Variants in ADGRG2 observed in about 807,000 individuals in gnomAD.
ADGRG2 encodes G protein-coupled receptor 64.
A neutral mutation model predicts 74.1 loss-of-function variants in ADGRG2; 26 were observed. The observed-to-expected ratio is 0.35, with a 90% CI of 0.26 to 0.49. The LOEUF (loss-of-function observed/expected upper bound fraction) is 0.49, where lower values mean the gene tolerates loss of function less well. Ranked by LOEUF, ADGRG2 falls within the 20% of genes least tolerant of loss-of-function variation. The pLI is 0.99. For missense variants in ADGRG2, 619 were observed against 763.1 expected, an observed-to-expected ratio of 0.81 and a Z score of 2.22; for synonymous variants, 296 against 295.2, an observed-to-expected ratio of 1.00 and a Z score of -0.03.
chrX:19,037,212 G>C (rs2060959812), intron 6 of ADGRG2, among the ~76,000 whole-genome samples: 2 of 112,057 alleles, frequency 1.8e-5, no homozygotes, highest in African/African-American at 6.5e-5. Flanking sequence ...TTCAAAATGT[G>C]ATCGATATTT....
Position 18,990,851 on chromosome X carries a change from T to C in ADGRG2, c.*13A>G. The stretch of plus-strand genomic sequence containing the variant: ...ACTGTCAAGCATCATGCTTTGATTT[T>C]AGAAGAAAGGAATCACATTTGCTCA... On this transcript the variant is annotated 3_prime_UTR_variant, in exon 29 of 29. Transcript: ENST00000379869. 8.6e-7 allele frequency: 1 copy of C among 1,157,421 alleles called. No homozygotes were observed. The highest frequency in any genetic ancestry group is 1.2e-6 in the Non-Finnish European group (1 of 857,263).
chrX:19,096,165 C>T (rs1041177905), intron 1 of ADGRG2, among the ~76,000 whole-genome samples: 22 of 111,539 alleles, frequency 2.0e-4, no homozygotes, highest in African/African-American at 7.2e-4. Flanking sequence ...AATCCCAACA[C>T]TTTGGGAGGC....
At chrX:19,054,720 A>T (rs1229303467) in intron 3 of ADGRG2, among the ~76,000 whole-genome samples, 6 of 112,339 alleles carry the variant, frequency 5.3e-5, no homozygotes, top group African/African-American at 1.9e-4. Flanking sequence ...CATCTTCGTT[A>T]GACCAACTAC....
chrX:18,999,430 C>T (rs2060083870), intron 25 of ADGRG2, 151 bp from the exon 26 acceptor site: 2 of 463,860 alleles, frequency 4.3e-6, no homozygotes, highest in Admixed American at 9.1e-5. Context: ...TCTCTACAAC[C>T]ATTTATAGCT....
intron 1 of ADGRG2, among the ~76,000 whole-genome samples, chrX:19,114,967 A>G (rs2062484334): frequency 9.0e-6 from 1 of 111,717 alleles, no homozygotes; most frequent in South Asian, 3.7e-4. Flanking sequence ...CTGCTTCAAG[A>G]GGTTGGGAGG....
At chrX:19,054,091 G>A (rs774992724) in intron 3 of ADGRG2, among the ~76,000 whole-genome samples, 6 of 111,802 alleles carry the variant, frequency 5.4e-5, no homozygotes, top group Admixed American at 2.9e-4. Flanking sequence ...TCAAGGATGC[G>A]CTCTCTATTC....
At chrX:19,095,013 C>T (rs866117482) in intron 1 of ADGRG2, among the ~76,000 whole-genome samples, 35 of 112,009 alleles carry the variant, frequency 3.1e-4, no homozygotes, top group African/African-American at 1.0e-3. Context: ...ACAGGTTCAA[C>T]GGTTCCCATT....
At chrX:19,101,528 C>T (rs73636696) in intron 1 of ADGRG2, among the ~76,000 whole-genome samples, 3,032 of 109,393 alleles carry the variant, frequency 0.028, 108 homozygotes, top group African/African-American at 0.096. Context: ...TGGTGAAACT[C>T]TTTCTCTACA....
At chrX:19,054,997 T>C (rs1234501023) in intron 3 of ADGRG2, among the ~76,000 whole-genome samples, 1 of 111,846 alleles carries the variant, frequency 8.9e-6, no homozygotes, top group African/African-American at 3.3e-5. Context: ...AGGATATCCA[T>C]ACTGCCAAGG....
chrX:19,023,489 G>A lies in ADGRG2; in HGVS notation c.511-36C>T, dbSNP rs1601918343. The A allele has an allele frequency of 5.0e-6, 4 of 805,861 alleles. No homozygotes were observed. In the East Asian group the frequency reaches 1.3e-4, roughly 26 times the overall value. The allele number at this position is 805,861 out of a possible 1,213,427, so 66.4% of individuals were successfully genotyped here. On this transcript the variant is annotated intron_variant, in intron 12 of 28. Coordinates refer to ENST00000379869, the MANE Select transcript of ADGRG2 (RefSeq NM_001079858.3). ...ACAAAAAACACGTATACACATATAT[G>A]TTACTTTGGGCAGTTGGAAATATCA... is the stretch of plus-strand genomic sequence containing the variant.
chrX:18,990,895 C>A lies in ADGRG2; in HGVS notation c.3023G>T (p.Arg1008Leu). Reference sequence around the variant, plus strand: ...TTGCTCAATAAAGTGTAAGCTTCCCCGCTTTGAAGTCCTTCTGAGAGCCAT... The same window carrying A: ...TTGCTCAATAAAGTGTAAGCTTCCCAGCTTTGAAGTCCTTCTGAGAGCCAT... Reference protein sequence around the residue: ...GRMALRRTSKRGSLHFIEQM With the variant: ...GRMALRRTSKLGSLHFIEQM The change falls in exon 29 of 29, where the codon CGG becomes CTG. Residue 1008 changes from arginine (R) to leucine (L), a missense_variant. Coordinates refer to ENST00000379869, the MANE Select transcript of ADGRG2 (RefSeq NM_001079858.3). 8.3e-7 allele frequency: 1 copy of A among 1,203,557 alleles called. No homozygotes were observed. The highest frequency in any genetic ancestry group is 1.1e-6 in the Non-Finnish European group (1 of 890,660).
intron 3 of ADGRG2, among the ~76,000 whole-genome samples, chrX:19,063,329 C>A (rs1236571691): frequency 1.8e-5 from 2 of 111,897 alleles, no homozygotes; most frequent in Non-Finnish European, 3.8e-5. Flanking sequence ...CCTCTCCACT[C>A]CCCTAGCCCT....
chrX:19,002,715 G>T, intron 24 of ADGRG2, 131 bp downstream of exon 24: 1 of 596,082 alleles, frequency 1.7e-6, no homozygotes, highest in Non-Finnish European at 2.7e-6. Context: ...CAGTGCACAT[G>T]TAAGAGTATA....
intron 7 of ADGRG2, chrX:19,033,913 T>G (rs778668940): frequency 4.7e-6 from 1 of 211,153 alleles, no homozygotes; most frequent in East Asian, 9.3e-5. Context: ...CCACTGCCTG[T>G]GTAATTCTAC....
intron 3 of ADGRG2, among the ~76,000 whole-genome samples, chrX:19,065,307 A>G (rs1320847580): frequency 1.9e-5 from 2 of 103,023 alleles, no homozygotes; most frequent in Admixed American, 1.0e-4. Flanking sequence ...AAAGAAAAAG[A>G]AAAAAACAAA....
At chrX:19,024,877 G>C (rs1201275957) in intron 11 of ADGRG2, among the ~76,000 whole-genome samples, 1 of 112,346 alleles carries the variant, frequency 8.9e-6, no homozygotes, top group East Asian at 2.8e-4. Context: ...CCACCTCCTG[G>C]GCTCAAGCGA....
intron 1 of ADGRG2, among the ~76,000 whole-genome samples, chrX:19,089,979 A>G (rs961248994): frequency 9.0e-6 from 1 of 110,963 alleles, no homozygotes; most frequent in African/African-American, 3.3e-5. Flanking sequence ...CTTCCTCTTT[A>G]CCCTTTCTTC....
Position 19,007,167 on chromosome X carries a change from T to C in ADGRG2, c.1689+68A>G, listed in dbSNP as rs2060253059. On this transcript the variant is annotated intron_variant, in intron 20 of 28. Coordinates refer to ENST00000379869, the MANE Select transcript of ADGRG2 (RefSeq NM_001079858.3). ...TGCCTGATCTGCCTTTTGCCGGCCATGCCTTACAAGCATAGTTTGTACAAG... is the reference window on the plus strand; with the variant it reads ...TGCCTGATCTGCCTTTTGCCGGCCACGCCTTACAAGCATAGTTTGTACAAG... 1.3e-5 allele frequency: 15 copies of C among 1,129,157 alleles called. No homozygotes were observed. In the East Asian group the frequency reaches 4.5e-4, roughly 34 times the overall value. 93.1% of individuals were successfully genotyped at this position (1,129,157 alleles called of 1,213,427 possible).
intron 3 of ADGRG2, among the ~76,000 whole-genome samples, chrX:19,064,696 A>G (rs1386369818): frequency 1.8e-5 from 2 of 112,316 alleles, no homozygotes; most frequent in Non-Finnish European, 3.8e-5. Flanking sequence ...AGCCTAGCAT[A>G]GCAGAGAGGT....
Sources: gnomAD v4.1 joint callset for allele counts (sites outside exome capture counted in the v4.1 genomes callset) on GRCh38, gnomAD v4.1.1 for gene constraint, MANE v1.5 for transcripts, NCBI Gene and HGNC (gene_info 2026-07-23, HGNC 2026-07-21) for gene names.